SPPL2A: variants seen among roughly 807,000 people sequenced by gnomAD.
The protein encoded by SPPL2A is signal peptide peptidase like 2A.
Under a neutral mutation model 63.8 loss-of-function variants are expected in SPPL2A, and 51 were observed. The ratio of observed to expected loss-of-function variants is 0.80; its 90% CI spans 0.64 to 1.01. The LOEUF (loss-of-function observed/expected upper bound fraction) is 1.01. SPPL2A is among the 50% of genes least tolerant of loss of function. The pLI is 0.00. For missense variants in SPPL2A, 553 were observed against 622.7 expected (o/e 0.89, Z 1.19); for synonymous variants, 188 against 205.8 (o/e 0.91, Z 0.74).
chr15:50,707,960 A>G (rs553933648), intron 14 of SPPL2A, 86 bp from the exon 15 acceptor site: 62 of 752,686 alleles, frequency 8.2e-5, no homozygotes, highest in Non-Finnish European at 1.3e-4. Context: ...TTCTTTTTCT[A>G]AAAAACACAG....
At chr15:50,719,371 A>G (rs2062625831) in intron 14 of SPPL2A, among the ~76,000 whole-genome samples, 1 of 152,056 alleles carries the variant, frequency 6.6e-6, no homozygotes, top group Non-Finnish European at 1.5e-5. Context: ...CAGCCTCCCA[A>G]GTAGCTGGGA....
At chr15:50,744,606 C>T (rs1344929931) in intron 5 of SPPL2A, among the ~76,000 whole-genome samples, 1 of 152,116 alleles carries the variant, frequency 6.6e-6, no homozygotes, top group Non-Finnish European at 1.5e-5. Context: ...ATAGGAAAAT[C>T]TGAATTTTAT....
At chr15:50,735,512 C>T (rs185139508) in intron 8 of SPPL2A, among the ~76,000 whole-genome samples, 2 of 148,708 alleles carry the variant, frequency 1.3e-5, no homozygotes, top group South Asian at 2.1e-4. Context: ...CACACACACA[C>T]ATACATATAT....
chr15:50,716,718 T>C (rs1206910014), intron 14 of SPPL2A, among the ~76,000 whole-genome samples: 3 of 152,208 alleles, frequency 2.0e-5, no homozygotes, highest in Admixed American at 1.3e-4. Flanking sequence ...GTCTTCTTTG[T>C]CCTGATTTAC....
chr15:50,733,858 G>A (rs1457634075), intron 8 of SPPL2A, among the ~76,000 whole-genome samples: 1 of 151,922 alleles, frequency 6.6e-6, no homozygotes, highest in South Asian at 2.1e-4. Context: ...CAAAATATCT[G>A]AATAGACATT....
At chr15:50,736,013 A>G (rs2062768374) in intron 8 of SPPL2A, 88 bp downstream of exon 8, 1 of 851,782 alleles carries the variant, frequency 1.2e-6, no homozygotes, top group African/African-American at 1.7e-5. Context: ...AGAAGCAAAA[A>G]AATTCCATAA....
intron 1 of SPPL2A, among the ~76,000 whole-genome samples, chr15:50,754,009 C>G (rs1259574637): frequency 1.3e-5 from 2 of 152,180 alleles, no homozygotes; most frequent in African/African-American, 4.8e-5. Context: ...GTTGGCCAGG[C>G]TGGTCTCAAA....
At chr15:50,724,960 T>C (rs1210474420) in intron 12 of SPPL2A, among the ~76,000 whole-genome samples, 1 of 152,210 alleles carries the variant, frequency 6.6e-6, no homozygotes, top group Non-Finnish European at 1.5e-5. Flanking sequence ...TATACTTTCT[T>C]GAAGAAGAAG....
chr15:50,703,356 A>ATATATTTTTTT lies in SPPL2A; in HGVS notation c.*4443_*4444insAAAAAAATATA, dbSNP rs1196710672. 1.6e-4 allele frequency: 10 copies of ATATATTTTTTT among 62,038 alleles called. No homozygotes were observed. Among genetic ancestry groups the ATATATTTTTTT allele is most frequent in the African/African-American group, 7.0e-4 (10 of 14,236 alleles). 3.8% of individuals were successfully genotyped at this position (62,038 alleles called of 1,614,324 possible). On this transcript the variant is annotated 3_prime_UTR_variant, in exon 15 of 15. Transcript: ENST00000261854. ...TATATATATATATATACATATATAT[A>ATATATTTTTTT]TTTTTTTTTTTTTTTTTTTTTTTTG...
intron 14 of SPPL2A, among the ~76,000 whole-genome samples, chr15:50,715,842 C>T (rs963787638): frequency 2.0e-5 from 3 of 152,122 alleles, no homozygotes; most frequent in Non-Finnish European, 2.9e-5. Context: ...CTATAATGAA[C>T]ATCTTTTCAC....
In SPPL2A at chr15:50,725,327, T is replaced by C. The variant is rs1409622456; in HGVS notation, c.1147-4A>G. 10 of 1,495,698 alleles carry C rather than the reference T, an allele frequency of 6.7e-6. No homozygotes were observed. The highest frequency in any genetic ancestry group is 9.1e-6 in the Non-Finnish European group (10 of 1,097,266). The allele number at this position is 1,495,698 out of a possible 1,614,324, so 92.7% of individuals were successfully genotyped here. Reference sequence around the variant, plus strand: ...GTACTCTGATGACTACTGGCAACTGTTCAAAAACAAAACAAAACAAAACAA... The same window carrying C: ...GTACTCTGATGACTACTGGCAACTGCTCAAAAACAAAACAAAACAAAACAA... On this transcript the variant is annotated splice_region_variant and splice_polypyrimidine_tract_variant and intron_variant, in intron 11 of 14. Transcript: ENST00000261854.
intron 5 of SPPL2A, among the ~76,000 whole-genome samples, 176 bp downstream of exon 5, chr15:50,747,319 A>T (rs2062865764): frequency 6.6e-6 from 1 of 152,106 alleles, no homozygotes; most frequent in Non-Finnish European, 1.5e-5. Context: ...GAAATCTGTG[A>T]CTCTTTTCTC....
intron 12 of SPPL2A, among the ~76,000 whole-genome samples, chr15:50,724,990 C>G (rs1187637304): frequency 6.6e-6 from 1 of 152,138 alleles, no homozygotes; most frequent in African/African-American, 2.4e-5. Context: ...ATCCTAGTTG[C>G]TTTCTCTAAC....
At position 50,748,693 on chromosome 15, in the gene SPPL2A, C is replaced by G. The variant is rs575721916; in HGVS notation, c.355G>C (p.Val119Leu). Residue 119 changes from valine (V) to leucine (L), a missense_variant, in exon 3 of 15, where the codon GTC (valine) becomes CTC (leucine). Coordinates refer to ENST00000261854, the MANE Select transcript of SPPL2A (RefSeq NM_032802.4). ...AEAMLVVNNS[V>L]LFPPSGNRSE... is the part of the protein sequence containing the mutation. ...TGATTGTTTTTATAACTTACTAGGA[C>G]ACTGTTATTGACAACTAACATTGCT... The G allele has an allele frequency of 1.8e-5, 28 of 1,579,924 alleles. No homozygotes were observed. The highest frequency in any genetic ancestry group is 2.4e-5 in the Non-Finnish European group (28 of 1,165,760).
intron 8 of SPPL2A, among the ~76,000 whole-genome samples, chr15:50,735,829 G>A (rs1479035384): frequency 2.6e-5 from 4 of 151,808 alleles, no homozygotes; most frequent in Non-Finnish European, 5.9e-5. Context: ...CGCCTGCCTC[G>A]GCCTCCCAAA....
intron 5 of SPPL2A, among the ~76,000 whole-genome samples, chr15:50,740,761 C>T (rs190486922): frequency 2.0e-5 from 3 of 152,042 alleles, no homozygotes; most frequent in Non-Finnish European, 2.9e-5. Context: ...CAGGCACATG[C>T]GGTTAGGCCC....
chr15:50,720,913 AT>A (rs1263904124), intron 13 of SPPL2A, among the ~76,000 whole-genome samples: 1 of 152,180 alleles, frequency 6.6e-6, no homozygotes, highest in Non-Finnish European at 1.5e-5. Flanking sequence ...AATTTTAAAG[AT>A]GAGGCAATGG....
At chr15:50,717,975 T>G (rs891459168) in intron 14 of SPPL2A, among the ~76,000 whole-genome samples, 3 of 123,596 alleles carry the variant, frequency 2.4e-5, no homozygotes, top group East Asian at 2.3e-4. Flanking sequence ...TTCGTTTTTT[T>G]TTTTTTTTTT....
intron 7 of SPPL2A, 54 bp from the exon 8 acceptor site, chr15:50,736,256 G>T: frequency 9.7e-7 from 1 of 1,029,642 alleles, no homozygotes; most frequent in Non-Finnish European, 1.5e-6. Context: ...ATGTTCACTT[G>T]ATATAAGAAG....
Sources: gnomAD v4.1 joint callset for allele counts (sites outside exome capture counted in the v4.1 genomes callset) on GRCh38, gnomAD v4.1.1 for gene constraint, MANE v1.5 for transcripts, NCBI Gene and HGNC (gene_info 2026-07-23, HGNC 2026-07-21) for gene names.